Variants in COL17A1 observed in about 807,000 individuals in gnomAD.
COL17A1 encodes the protein collagen type XVII alpha 1 chain, also known as collagen alpha-1(XVII) chain.
COL17A1 carries 181 observed loss-of-function variants against 218.4 expected under a neutral mutation model. The observed-to-expected ratio is 0.83, with a 90% CI of 0.73 to 0.94. COL17A1 has a LOEUF of 0.94. Ranked by LOEUF, COL17A1 falls within the 40% of genes least tolerant of loss-of-function variation. The probability of loss-of-function intolerance (pLI) is 0.00; values close to 1 mark genes in which losing one functional copy is unlikely to be tolerated. For missense variants in COL17A1, 1,924 were observed against 1,945.9 expected, an observed-to-expected ratio of 0.99 and a Z score of 0.21; for synonymous variants, 721 against 731.0, an observed-to-expected ratio of 0.99 and a Z score of 0.22.
chr10:104,034,633 T>C lies in COL17A1; in HGVS notation c.3754A>G (p.Ser1252Gly), dbSNP rs1178702024. 2 of 1,610,332 alleles carry C rather than the reference T, an allele frequency of 1.2e-6. No homozygotes were observed. The highest frequency in any genetic ancestry group is 1.1e-5 in the South Asian group (1 of 89,978). ...TCGGGGCACCTACTTGTGAGGTAGC[T>C]GATCAGCTCGCTCCGGAAGCTGTCG... ...NSDSFRSELI[S>G]YLTSPDVRSF... The change falls in exon 51 of 56, where the codon AGC becomes GGC. Residue 1252 changes from serine (S) to glycine (G), a missense_variant. Coordinates refer to ENST00000648076, the MANE Select transcript of COL17A1 (RefSeq NM_000494.4).
intron 36 of COL17A1, among the ~76,000 whole-genome samples, chr10:104,042,124 C>T (rs755650292): frequency 4.6e-5 from 7 of 152,280 alleles, no homozygotes; most frequent in East Asian, 1.9e-4. Context: ...GGCCTGCAGC[C>T]GAGAACCCAC....
chr10:104,032,956 A>G lies in COL17A1; in HGVS notation c.4307T>C (p.Ile1436Thr). 1 of 1,614,028 alleles carries G rather than the reference A, an allele frequency of 6.2e-7. No individual in the cohort carries two copies. Residue 1436 changes from isoleucine (I) to threonine (T), a missense_variant, in exon 54 of 56, where the codon ATT becomes ACT. Physicochemically the swap from Ile to Thr is moderately conservative, Grantham distance 89. Transcript: ENST00000648076. ...LMDFFQTYGA[I>T]QGPPGQKGEM... ...TCCTTTTTGCCCAGGGGGTCCTTGAATGGCTCCATAAGCTGCAAAAGCAAG... is the reference window on the plus strand; with the variant it reads ...TCCTTTTTGCCCAGGGGGTCCTTGAGTGGCTCCATAAGCTGCAAAAGCAAG...
chr10:104,072,192 C>T, intron 7 of COL17A1, 113 bp from the exon 8 acceptor site: 2 of 1,497,490 alleles, frequency 1.3e-6, no homozygotes, highest in Non-Finnish European at 1.8e-6. Context: ...CATTTCTGAG[C>T]TCTGGAAACA....
At chr10:104,085,619 G>A (rs2086799436) in intron 1 of COL17A1, 104 bp downstream of exon 1, 1 of 152,474 alleles carries the variant, frequency 6.6e-6, no homozygotes, top group African/African-American at 2.4e-5. Flanking sequence ...AGAAACTACA[G>A]AACTTCATCT....
At position 104,033,969 on chromosome 10, in the gene COL17A1, C is replaced by G; in HGVS notation, c.4132G>C (p.Val1378Leu). 1 of 1,614,218 alleles carries G rather than the reference C, an allele frequency of 6.2e-7. No individual in the cohort carries two copies. Among genetic ancestry groups the G allele is most frequent in the Non-Finnish European group, 8.5e-7 (1 of 1,180,040 alleles). Reference protein sequence around the residue: ...AGDLDYNELAVRVSESMQRQG... With the variant: ...AGDLDYNELALRVSESMQRQG... ...CGCTGCATGCTCTCTGACACCCTCACAGCCAGCTCATTGTAATCCAGATCT... is the reference window on the plus strand; with the variant it reads ...CGCTGCATGCTCTCTGACACCCTCAGAGCCAGCTCATTGTAATCCAGATCT... Residue 1378 changes from valine to leucine, a missense_variant, in exon 52 of 56, where the codon GTG becomes CTG. Physicochemically the swap from Val to Leu is conservative, Grantham distance 32. Transcript: ENST00000648076.
intron 25 of COL17A1, among the ~76,000 whole-genome samples, chr10:104,051,216 C>T (rs1027219159): frequency 3.3e-5 from 5 of 152,190 alleles, no homozygotes; most frequent in Non-Finnish European, 7.3e-5. Flanking sequence ...CAGGTGCTTG[C>T]TCAGATGGAG....
intron 31 of COL17A1, 99 bp from the exon 32 acceptor site, chr10:104,046,872 G>A: frequency 1.8e-6 from 2 of 1,082,462 alleles, no homozygotes; most frequent in Non-Finnish European, 2.8e-6. Context: ...CTGCAGTGGA[G>A]GGGTCAGTGG....
At chr10:104,038,050 G>C (rs1432645449) in intron 45 of COL17A1, among the ~76,000 whole-genome samples, 1 of 152,228 alleles carries the variant, frequency 6.6e-6, no homozygotes, top group African/African-American at 2.4e-5. Flanking sequence ...GCACATGCAA[G>C]GTGTGGTGTG....
chr10:104,040,927 A>T (rs1422611574), intron 39 of COL17A1, 138 bp downstream of exon 39: 7 of 977,994 alleles, frequency 7.2e-6, no homozygotes, highest in Non-Finnish European at 9.8e-6. Context: ...AAGCAGGAAG[A>T]TTATATAAAC....
intron 51 of COL17A1, 24 bp downstream of exon 51, chr10:104,034,597 G>A (rs1401663744): frequency 7.5e-6 from 12 of 1,606,262 alleles, no homozygotes; most frequent in South Asian, 4.5e-5. Context: ...GTGCCTGGTG[G>A]GGCATCACCG....
intron 10 of COL17A1, 89 bp from the exon 11 acceptor site, chr10:104,063,907 T>A: frequency 6.4e-7 from 1 of 1,574,266 alleles, no homozygotes. Flanking sequence ...CCAGAAGAAA[T>A]GCCAGGATTG....
intron 28 of COL17A1, 66 bp from the exon 29 acceptor site, chr10:104,049,537 C>T: frequency 6.5e-7 from 1 of 1,530,576 alleles, no homozygotes; most frequent in Non-Finnish European, 9.1e-7. Context: ...CAATGGTGGT[C>T]TGCTCCCTCC....
Position 104,051,482 on chromosome 10 carries a change from T to G in COL17A1, c.2037A>C (p.Pro679=). The change falls in exon 25 of 56, where the codon CCA becomes CCC. Residue 679 remains proline, a splice_region_variant and synonymous_variant. Transcript: ENST00000648076. ...ATTTACAAGAAGCAGCAAACTGACC[T>G]GGAGGGCCCTGTGGGCCAGGAGAGC... ...SSGSPGPQGP[P]GPVGLQGLRG... is the part of the protein sequence containing the mutation. 1 of 1,614,044 alleles carries G rather than the reference T, an allele frequency of 6.2e-7. No homozygotes were observed.
intron 13 of COL17A1, among the ~76,000 whole-genome samples, chr10:104,060,858 T>C (rs2134628721): frequency 6.6e-6 from 1 of 152,360 alleles, no homozygotes; most frequent in African/African-American, 2.4e-5. Flanking sequence ...TCCTGTCGTG[T>C]TCACTGCTGT....
intron 31 of COL17A1, 64 bp from the exon 32 acceptor site, chr10:104,046,837 C>G: frequency 1.3e-6 from 2 of 1,511,272 alleles, no homozygotes; most frequent in South Asian, 2.3e-5. Flanking sequence ...GTAGCCACAC[C>G]CACACCTGCA....
At position 104,040,395 on chromosome 10, in the gene COL17A1, C is replaced by G. The variant is rs749096132; in HGVS notation, c.2717G>C (p.Gly906Ala). The G allele has an allele frequency of 1.2e-6, 2 of 1,610,344 alleles. No homozygotes were observed. The highest frequency in any genetic ancestry group is 2.2e-5 in the East Asian group (1 of 44,862). ...TGGGGGGCCAGGTGGGCCTGGGGGGCCGGAGAGGAAGGTTTCTGCAGAGGA... is the reference window on the plus strand; with the variant it reads ...TGGGGGGCCAGGTGGGCCTGGGGGGGCGGAGAGGAAGGTTTCTGCAGAGGA... ...FLSNSETFLSGPPGPPGPPGP... is the reference protein window; with the variant it reads ...FLSNSETFLSAPPGPPGPPGP... Residue 906 changes from glycine to alanine, a missense_variant, in exon 40 of 56, where the codon GGC (glycine) becomes GCC (alanine). Transcript: ENST00000648076.
intron 48 of COL17A1, among the ~76,000 whole-genome samples, chr10:104,035,942 ATGGGAGT>A (rs1343144070): frequency 3.4e-5 from 1 of 29,702 alleles, no homozygotes; most frequent in Non-Finnish European, 7.4e-5. Context: ...ATGGGAGTGT[ATGGGAGT>A]GTGAGTACAG....
intron 24 of COL17A1, 99 bp from the exon 25 acceptor site, chr10:104,051,615 C>A: frequency 6.9e-7 from 1 of 1,450,786 alleles, no homozygotes; most frequent in Non-Finnish European, 9.6e-7. Flanking sequence ...ACGCTGTCTT[C>A]CAGGTGAGGG....
rs960785765 is a variant in COL17A1 at position 104,085,822 on chromosome 10, T to A, written c.-111A>T. 1 of 152,328 alleles carries A rather than the reference T, an allele frequency of 6.6e-6. No homozygotes were observed. Among genetic ancestry groups the A allele is most frequent in the African/African-American group, 2.4e-5 (1 of 41,330 alleles). 9.4% of individuals were successfully genotyped at this position (152,328 alleles called of 1,614,324 possible). On this transcript the variant is annotated 5_prime_UTR_variant, in exon 1 of 56. Transcript: ENST00000648076. ...CTTCTAGAAATTTGCAGTGCTCACTTTTTTTTTATCCAGACCCAGCCAAGG... is the reference window on the plus strand; with the variant it reads ...CTTCTAGAAATTTGCAGTGCTCACTATTTTTTTATCCAGACCCAGCCAAGG...
Sources: allele counts gnomAD v4.1 joint callset (sites outside exome capture counted in the v4.1 genomes callset), GRCh38; gene constraint gnomAD v4.1.1; transcripts MANE v1.5; gene names NCBI Gene and HGNC (gene_info 2026-07-23, HGNC 2026-07-21).